Variants in DCC observed in about 807,000 individuals in gnomAD.
DCC encodes DCC netrin 1 receptor, also known as netrin receptor DCC.
A neutral mutation model predicts 172.5 loss-of-function variants in DCC; 58 were observed. The observed-to-expected ratio is 0.34, with a 90% CI of 0.27 to 0.42. DCC has a LOEUF of 0.42. Among genes scored for constraint, DCC ranks in the 10% least tolerant of loss-of-function variants. DCC has a pLI of 1.00. For missense variants in DCC, 1,740 were observed against 1,791.0 expected, an observed-to-expected ratio of 0.97 and a Z score of 0.51; for synonymous variants, 709 against 644.5, an observed-to-expected ratio of 1.10 and a Z score of -1.52.
At position 52,692,505 on chromosome 18, in the gene DCC, C is replaced by A. The variant is rs2035943698; in HGVS notation, c.92-59549C>A. ...TCAGGTTGGAGTGCAGTGATGCAGT[C>A]TCTGCTCACTGCAATCTCTGTCTCC... On this transcript the variant is annotated intron_variant, in intron 1 of 28. Transcript: ENST00000442544. Among the ~76,000 whole-genome samples the A allele has an allele frequency of 2.6e-5, 4 of 152,094 alleles. No homozygotes were observed. In the South Asian group the frequency reaches 8.3e-4, roughly 32 times the overall value.
chr18:52,800,434 T>C (rs573275219), intron 2 of DCC, among the ~76,000 whole-genome samples: 2 of 152,314 alleles, frequency 1.3e-5, no homozygotes, highest in South Asian at 4.1e-4. Flanking sequence ...CCAGTGAGAT[T>C]TGAGCAGCAT....
intron 1 of DCC, chr18:52,419,623 C>T (rs1202756351): frequency 6.6e-6 from 1 of 151,964 alleles, no homozygotes. Flanking sequence ...AAGATCATTC[C>T]TTTTGCCAAA....
chr18:53,355,246 T>G (rs945478124), intron 15 of DCC, among the ~76,000 whole-genome samples: 1 of 151,962 alleles, frequency 6.6e-6, no homozygotes, highest in African/African-American at 2.4e-5. Context: ...TAGGATTGAC[T>G]TGGCAATGCG....
intron 1 of DCC, among the ~76,000 whole-genome samples, chr18:52,472,026 C>G (rs1006328363): frequency 1.3e-5 from 2 of 152,098 alleles, no homozygotes; most frequent in South Asian, 4.1e-4. Context: ...GAAGTTGCAC[C>G]GAGTGGGGTT....
chr18:52,913,712 T>C (rs989409960), intron 3 of DCC, among the ~76,000 whole-genome samples: 1 of 152,018 alleles, frequency 6.6e-6, no homozygotes. Context: ...CAAAATATGG[T>C]CATTTCTGCA....
chr18:52,790,893 C>G (rs2037752401), intron 2 of DCC, among the ~76,000 whole-genome samples: 1 of 152,176 alleles, frequency 6.6e-6, no homozygotes, highest in Admixed American at 6.5e-5. Context: ...ATATACCTAT[C>G]AGGGTCATTA....
intron 19 of DCC, among the ~76,000 whole-genome samples, chr18:53,404,145 T>A (rs1460894548): frequency 6.6e-6 from 1 of 152,190 alleles, no homozygotes; most frequent in Non-Finnish European, 1.5e-5. Context: ...TTGATTTGTT[T>A]ATATTTTATT....
At chr18:52,740,385 TC>T in intron 1 of DCC, among the ~76,000 whole-genome samples, 1 of 152,312 alleles carries the variant, frequency 6.6e-6, no homozygotes, top group South Asian at 2.1e-4. Flanking sequence ...ATATCACCTT[TC>T]TATTGAGACA....
chr18:53,395,738 G>A (rs1033655787), intron 17 of DCC, among the ~76,000 whole-genome samples: 52 of 152,296 alleles, frequency 3.4e-4, no homozygotes, highest in African/African-American at 1.2e-3. Flanking sequence ...CATCTCCCAG[G>A]TTCAAGCAAT....
At chr18:52,565,648 A>G (rs759526067) in intron 1 of DCC, among the ~76,000 whole-genome samples, 8 of 152,152 alleles carry the variant, frequency 5.3e-5, no homozygotes, top group Non-Finnish European at 8.8e-5. Flanking sequence ...TCTTTTGAGA[A>G]GTGTCTCTTC....
At chr18:52,397,897 A>G (rs1029558267) in intron 1 of DCC, among the ~76,000 whole-genome samples, 3 of 152,000 alleles carry the variant, frequency 2.0e-5, no homozygotes, top group Admixed American at 1.3e-4. Context: ...ATATCTGTCC[A>G]TCTCATGTAA....
intron 5 of DCC, among the ~76,000 whole-genome samples, chr18:53,058,804 C>A (rs147893719): frequency 3.2e-4 from 48 of 152,038 alleles, no homozygotes; most frequent in African/African-American, 9.9e-4. Context: ...GCAGAAGAAA[C>A]CAAGTCTTAA....
chr18:52,778,093 A>G (rs2037466025), intron 2 of DCC, among the ~76,000 whole-genome samples: 1 of 152,358 alleles, frequency 6.6e-6, no homozygotes, highest in Admixed American at 6.5e-5. Context: ...AAAGTGAACC[A>G]AATCCTCAGC....
At chr18:53,093,208 C>A (rs943691396) in intron 7 of DCC, among the ~76,000 whole-genome samples, 1 of 152,036 alleles carries the variant, frequency 6.6e-6, no homozygotes, top group African/African-American at 2.4e-5. Flanking sequence ...ACTCTGGAGG[C>A]GGAGGTTGCA....
At chr18:52,939,303 G>A (rs1006907998) in intron 5 of DCC, among the ~76,000 whole-genome samples, 1 of 152,098 alleles carries the variant, frequency 6.6e-6, no homozygotes, top group Admixed American at 6.5e-5. Flanking sequence ...ACCTTTTTAT[G>A]GGGGTTGTCC....
intron 1 of DCC, among the ~76,000 whole-genome samples, chr18:52,445,236 C>T (rs369667588): frequency 2.0e-5 from 3 of 152,132 alleles, no homozygotes; most frequent in Non-Finnish European, 4.4e-5. Context: ...CTCCATTCAA[C>T]ATAAAAGTAA....
intron 8 of DCC, among the ~76,000 whole-genome samples, chr18:53,167,786 A>C (rs2144430030): frequency 6.6e-6 from 1 of 152,332 alleles, no homozygotes; most frequent in South Asian, 2.1e-4. Context: ...TAGATGTATA[A>C]ACAGAAAGCA....
chr18:53,528,255 CAT>C (rs1423294073), intron 28 of DCC, among the ~76,000 whole-genome samples: 1 of 151,850 alleles, frequency 6.6e-6, no homozygotes, highest in Non-Finnish European at 1.5e-5. Flanking sequence ...ATTTTAACGA[CAT>C]AGAGATCAGG....
At chr18:52,752,024 A>G (rs775650955) in intron 1 of DCC, 30 bp from the exon 2 acceptor site, 24 of 1,583,784 alleles carry the variant, frequency 1.5e-5, no homozygotes, top group Non-Finnish European at 2.0e-5. Flanking sequence ...TGAATACATG[A>G]ACATATTTCC....
Sources: allele counts gnomAD v4.1 joint callset (sites outside exome capture counted in the v4.1 genomes callset), GRCh38; gene constraint gnomAD v4.1.1; transcripts MANE v1.5; gene names NCBI Gene and HGNC (gene_info 2026-07-23, HGNC 2026-07-21).